SH3PXD2B: variants seen among roughly 807,000 people sequenced by gnomAD.
The protein encoded by SH3PXD2B is SH3 and PX domains 2B, also known as SH3 and PX domain-containing protein 2B.
SH3PXD2B carries 37 observed loss-of-function variants against 73.1 expected under a neutral mutation model. The observed-to-expected ratio is 0.51, with a 90% CI of 0.39 to 0.67. SH3PXD2B has a LOEUF of 0.67. SH3PXD2B is among the 30% of genes least tolerant of loss of function. The pLI, the probability that SH3PXD2B is intolerant of heterozygous loss-of-function variation, is 0.00. For synonymous variants in SH3PXD2B, 457 were observed against 480.5 expected (o/e 0.95, Z 0.64); for missense variants, 1,053 against 1,197.8 (o/e 0.88, Z 1.78).
intron 4 of SH3PXD2B, among the ~76,000 whole-genome samples, chr5:172,383,003 G>A (rs1412551367): frequency 6.6e-6 from 1 of 151,996 alleles, no homozygotes; most frequent in Non-Finnish European, 1.5e-5. Context: ...CTCCCAAAGT[G>A]CTGGGATTAC....
intron 1 of SH3PXD2B, among the ~76,000 whole-genome samples, chr5:172,443,456 C>T (rs898970379): frequency 6.6e-6 from 1 of 152,192 alleles, no homozygotes; most frequent in Non-Finnish European, 1.5e-5. Flanking sequence ...CTGAACACCC[C>T]TTTGCTTTTG....
chr5:172,327,061 T>C (rs992905780), intron 12 of SH3PXD2B, among the ~76,000 whole-genome samples: 1 of 152,090 alleles, frequency 6.6e-6, no homozygotes, highest in African/African-American at 2.4e-5. Flanking sequence ...GGTTTCACCA[T>C]GTTGGCCACG....
intron 1 of SH3PXD2B, among the ~76,000 whole-genome samples, chr5:172,451,774 G>C (rs1050620803): frequency 6.6e-6 from 1 of 152,206 alleles, no homozygotes; most frequent in Admixed American, 6.5e-5. Context: ...TGTGTGAGGG[G>C]TTGGGGTGGA....
At position 172,454,481 on chromosome 5, in the gene SH3PXD2B, A is replaced by AGAC. The variant is rs1759889316; in HGVS notation, c.-130_-129insGTC. On this transcript the variant is annotated 5_prime_UTR_variant, in exon 1 of 13. Transcript: ENST00000311601. Reference sequence around the variant, plus strand: ...GCAATCGCAGCCGGGGCCGAGCACGAGCCGCCGCCGCCACCGCCGCCGCCC... The same window carrying AGAC: ...GCAATCGCAGCCGGGGCCGAGCACGAGACGCCGCCGCCGCCACCGCCGCCGCCC... The AGAC allele has an allele frequency of 6.2e-6, 2 of 320,048 alleles. No homozygotes were observed. The highest frequency in any genetic ancestry group is 9.2e-6 in the Non-Finnish European group (2 of 218,334). 19.8% of individuals were successfully genotyped at this position (320,048 alleles called of 1,614,324 possible). A position where few individuals can be genotyped will look rare whatever the true frequency, so the allele number is the denominator to read the frequency against.
intron 12 of SH3PXD2B, 77 bp downstream of exon 12, chr5:172,346,059 G>C (rs1379964201): frequency 6.2e-7 from 1 of 1,606,966 alleles, no homozygotes; most frequent in African/African-American, 1.3e-5. Context: ...TGAAGTAGGA[G>C]GTGACAGGGG....
chr5:172,338,186 C>T lies in SH3PXD2B; in HGVS notation c.*183G>A. 1 of 1,484,694 alleles carries T rather than the reference C, an allele frequency of 6.7e-7. No homozygotes were observed. The allele number at this position is 1,484,694 out of a possible 1,614,324, so 92.0% of individuals were successfully genotyped here. A position where few individuals can be genotyped will look rare whatever the true frequency, so the allele number is the denominator to read the frequency against. On this transcript the variant is annotated 3_prime_UTR_variant, in exon 13 of 13. Transcript: ENST00000311601. The surrounding 1 kb of genome is among the most constrained non-coding windows in gnomAD (Gnocchi z 5.1). ...CCAGTGATGCTGTGATAGGAGGGAT[C>T]AGGCCCAGGGGCGCCCGAGGTGTCC...
intron 4 of SH3PXD2B, among the ~76,000 whole-genome samples, chr5:172,387,365 A>G (rs1758083661): frequency 6.6e-6 from 1 of 152,246 alleles, no homozygotes; most frequent in South Asian, 2.1e-4. Context: ...TTCATTGTGG[A>G]TCAATGCCAC....
In SH3PXD2B at chr5:172,336,677, C is replaced by A. The variant is rs1426550561; in HGVS notation, c.*1692G>T. On this transcript the variant is annotated 3_prime_UTR_variant, in exon 13 of 13. Coordinates refer to ENST00000311601, the MANE Select transcript of SH3PXD2B (RefSeq NM_001017995.3). ...CTGATGAACACTGTGAACTGGAGATCTCTGGGGCAGGGCAGGGTGGGGAGG... is the reference window on the plus strand; with the variant it reads ...CTGATGAACACTGTGAACTGGAGATATCTGGGGCAGGGCAGGGTGGGGAGG... The A allele has an allele frequency of 9.6e-6, 9 of 938,008 alleles. No individual in the cohort carries two copies. Among genetic ancestry groups the A allele is most frequent in the Non-Finnish European group, 1.1e-5 (9 of 795,850 alleles). 58.1% of individuals were successfully genotyped at this position (938,008 alleles called of 1,614,324 possible).
intron 1 of SH3PXD2B, among the ~76,000 whole-genome samples, chr5:172,423,938 C>T (rs1174264755): frequency 2.0e-5 from 3 of 152,214 alleles, no homozygotes; most frequent in African/African-American, 4.8e-5. Context: ...CCACCGCGCC[C>T]GGCCCGCCCT....
downstream of SH3PXD2B, among the ~76,000 whole-genome samples, chr5:172,333,174 A>G (rs1198797873): frequency 6.6e-6 from 1 of 152,052 alleles, no homozygotes; most frequent in African/African-American, 2.4e-5. Flanking sequence ...ACCTCAGGTG[A>G]TCGGCCCGCC....
At chr5:172,374,801 T>C (rs985518874) in intron 5 of SH3PXD2B, among the ~76,000 whole-genome samples, 15 of 152,162 alleles carry the variant, frequency 9.9e-5, no homozygotes, top group African/African-American at 3.6e-4. Context: ...GGGATGGACA[T>C]TGTGGCAACA....
chr5:172,333,029 G>A (rs904688902), downstream of SH3PXD2B, among the ~76,000 whole-genome samples: 12 of 150,874 alleles, frequency 8.0e-5, no homozygotes, highest in South Asian at 2.1e-4. Flanking sequence ...TCCGCCTCCC[G>A]GGTTCAAACA....
At chr5:172,414,656 G>A (rs1228730234) in intron 2 of SH3PXD2B, among the ~76,000 whole-genome samples, 2 of 152,110 alleles carry the variant, frequency 1.3e-5, no homozygotes, top group Non-Finnish European at 2.9e-5. Context: ...TAGCAGCAAC[G>A]CTCTGGCACA....
At position 172,419,242 on chromosome 5, in the gene SH3PXD2B, C is replaced by T. The variant is rs371358355; in HGVS notation, c.156+3174G>A. ...GAACAGGGAACTCAGAGAACCCAGTCCACCTTGCACAGGGCCTGGACGCGT... is the reference window on the plus strand; with the variant it reads ...GAACAGGGAACTCAGAGAACCCAGTTCACCTTGCACAGGGCCTGGACGCGT... On this transcript the variant is annotated intron_variant, in intron 2 of 12. Coordinates refer to ENST00000311601, the MANE Select transcript of SH3PXD2B (RefSeq NM_001017995.3). Among the ~76,000 whole-genome samples the T allele has an allele frequency of 7.2e-5, 11 of 152,282 alleles. No homozygotes were observed. In the East Asian group the frequency reaches 7.7e-4, roughly 11 times the overall value.
Position 172,334,990 on chromosome 5 carries a change from G to A in SH3PXD2B, c.*3379C>T. On this transcript the variant is annotated 3_prime_UTR_variant, in exon 13 of 13. Transcript: ENST00000311601. Reference sequence around the variant, plus strand: ...TGGCATGGGCTCCAGCGATCCCCCAGTAGGGAAGGGCCATTAAAAGCGGTT... The same window carrying A: ...TGGCATGGGCTCCAGCGATCCCCCAATAGGGAAGGGCCATTAAAAGCGGTT... 6.1e-6 allele frequency: 6 copies of A among 985,456 alleles called. No homozygotes were observed. Among genetic ancestry groups the A allele is most frequent in the Non-Finnish European group, 7.2e-6 (6 of 829,954 alleles). The allele number at this position is 985,456 out of a possible 1,614,324, so 61.0% of individuals were successfully genotyped here.
At chr5:172,390,862 A>T (rs1027786986) in intron 4 of SH3PXD2B, among the ~76,000 whole-genome samples, 21 of 119,194 alleles carry the variant, frequency 1.8e-4, no homozygotes, top group Non-Finnish European at 2.3e-4. Flanking sequence ...TGTGTGTGTG[A>T]CAGAGTTTTG....
At chr5:172,389,098 C>T (rs191293961) in intron 4 of SH3PXD2B, among the ~76,000 whole-genome samples, 2 of 150,832 alleles carry the variant, frequency 1.3e-5, no homozygotes, top group East Asian at 1.9e-4. Context: ...CTGTGTCACC[C>T]AGGCTGGAGT....
intron 1 of SH3PXD2B, among the ~76,000 whole-genome samples, chr5:172,433,725 T>C (rs1357556877): frequency 6.6e-6 from 1 of 152,184 alleles, no homozygotes; most frequent in East Asian, 1.9e-4. Flanking sequence ...GGTTAAGTCC[T>C]TGACCTCTTA....
intron 1 of SH3PXD2B, among the ~76,000 whole-genome samples, chr5:172,439,297 A>G (rs75227210): frequency 0.075 from 10,677 of 141,904 alleles, 655 homozygotes; most frequent in South Asian, 0.19. Flanking sequence ...AAAAACCCCA[A>G]AAAAAAACCA....
Sources: allele counts gnomAD v4.1 joint callset (sites outside exome capture counted in the v4.1 genomes callset), GRCh38; gene constraint gnomAD v4.1.1; non-coding constraint Gnocchi (gnomAD v3.1); transcripts MANE v1.5; gene names NCBI Gene and HGNC (gene_info 2026-07-23, HGNC 2026-07-21).